MIGA1: variants seen among roughly 807,000 people sequenced by gnomAD.
MIGA1 encodes family with sequence similarity 73, member A.
In MIGA1, 58 loss-of-function variants were observed where a neutral mutation model predicts 82.0. The observed-to-expected ratio is 0.71, with a 90% CI of 0.57 to 0.88. MIGA1 has a LOEUF of 0.88. Among genes scored for constraint, MIGA1 ranks in the 40% least tolerant of loss-of-function variants. The pLI, the probability that MIGA1 is intolerant of heterozygous loss-of-function variation, is 0.00. For synonymous variants in MIGA1, 249 were observed against 253.6 expected, an observed-to-expected ratio of 0.98 and a Z score of 0.17; for missense variants, 751 against 749.1, an observed-to-expected ratio of 1.00 and a Z score of -0.03.
At chr1:77,874,703 G>C (rs577995912) in intron 15 of MIGA1, 143 bp from the exon 16 acceptor site, 7 of 631,644 alleles carry the variant, frequency 1.1e-5, no homozygotes, top group Non-Finnish European at 8.3e-6. Flanking sequence ...ACTTGTGCAA[G>C]GTCCCTTTTC....
chr1:77,860,047 T>A lies in MIGA1; in HGVS notation c.1196T>A (p.Leu399His), dbSNP rs1557933225. 1 of 1,605,834 alleles carries A rather than the reference T, an allele frequency of 6.2e-7. No individual in the cohort carries two copies. Among genetic ancestry groups the A allele is most frequent in the Non-Finnish European group, 8.5e-7 (1 of 1,175,780 alleles). ...GGATGAATATTTTTTCAGGTAATTC[T>A]TTCAGAATCAGCTAACAGGATATTC... The change falls in exon 11 of 16, where the codon CTT (leucine) becomes CAT (histidine). Residue 399 changes from leucine (L) to histidine (H), a missense_variant. Leu to His is a moderately conservative substitution (Grantham distance 99). Coordinates refer to ENST00000370791, the MANE Select transcript of MIGA1 (RefSeq NM_198549.4).
intron 7 of MIGA1, among the ~76,000 whole-genome samples, chr1:77,822,835 GTTTTTTTTTT>G (rs752488187): frequency 1.8e-5 from 2 of 109,378 alleles, no homozygotes; most frequent in Non-Finnish European, 3.8e-5. Context: ...CTTTCAGCAT[GTTTTTTTTTT>G]TTTTTTTTTT....
chr1:77,823,830 G>T (rs1432871628), intron 7 of MIGA1, among the ~76,000 whole-genome samples: 1 of 152,138 alleles, frequency 6.6e-6, no homozygotes, highest in Non-Finnish European at 1.5e-5. Flanking sequence ...TTCAAAGCTG[G>T]TGGGCCTGTT....
chr1:77,802,053 A>C (rs950803519), intron 3 of MIGA1, among the ~76,000 whole-genome samples: 3 of 152,202 alleles, frequency 2.0e-5, no homozygotes, highest in Admixed American at 6.5e-5. Context: ...TGTAGAGTTC[A>C]AGAAGTAAGT....
rs75925081 is a variant in MIGA1, at chr1:77,857,221, C to T, written c.997-1717C>T. ...TTTGGAGTTGATTTCCAGTTTTATT[C>T]CACTGTGGTCTAAGAGAGTGCTTGA... On this transcript the variant is annotated intron_variant, in intron 8 of 15. Coordinates refer to ENST00000370791, the MANE Select transcript of MIGA1 (RefSeq NM_198549.4). Among the ~76,000 whole-genome samples, 193 of 151,922 alleles carry T rather than the reference C, an allele frequency of 1.3e-3. 1 individual carries two copies. The East Asian group carries it at 0.015, about 12-fold the overall frequency.
rs1219047882 is a variant in MIGA1, at chr1:77,878,869, ATTCT to A, written c.*3808_*3811del. The A allele has an allele frequency of 2.7e-6, 1 of 365,368 alleles. No individual in the cohort carries two copies. Among genetic ancestry groups the A allele is most frequent in the Non-Finnish European group, 4.9e-6 (1 of 203,536 alleles). 22.6% of individuals were successfully genotyped at this position (365,368 alleles called of 1,614,324 possible). ...AACTTTGTCTTTCTCATAAAGTAAT[ATTCT>A]TTATTTGCATCCATTTACTATGATT... On this transcript the variant is annotated 3_prime_UTR_variant, in exon 16 of 16. Transcript: ENST00000370791.
intron 2 of MIGA1, among the ~76,000 whole-genome samples, chr1:77,792,254 C>T (rs764698524): frequency 1.3e-5 from 2 of 152,144 alleles, no homozygotes; most frequent in Admixed American, 6.6e-5. Flanking sequence ...AGGACTATCT[C>T]GAATTATTGT....
chr1:77,871,094 G>GGGGAGAGGGAGA (rs1325089726), intron 14 of MIGA1, among the ~76,000 whole-genome samples: 3 of 53,452 alleles, frequency 5.6e-5, no homozygotes, highest in African/African-American at 1.9e-4. Flanking sequence ...CCGTGGGAAG[G>GGGGAGAGGGAGA]GGGAGAGGGA....
At chr1:77,782,512 CAT>C (rs1415795341) in intron 1 of MIGA1, among the ~76,000 whole-genome samples, 2 of 152,132 alleles carry the variant, frequency 1.3e-5, no homozygotes, top group South Asian at 2.1e-4. Flanking sequence ...ATTTGTTTAA[CAT>C]GTGTTCAACT....
At chr1:77,871,137 A>AGAGGGAGAGGGAGAGGGC (rs1557940670) in intron 14 of MIGA1, among the ~76,000 whole-genome samples, 2 of 144,720 alleles carry the variant, frequency 1.4e-5, no homozygotes, top group Non-Finnish European at 1.5e-5. Context: ...AGGGAGAGGG[A>AGAGGGAGAGGGAGAGGGC]GAGGGCAGCA....
intron 7 of MIGA1, among the ~76,000 whole-genome samples, chr1:77,833,091 CAA>C (rs1684304224): frequency 6.6e-6 from 1 of 152,158 alleles, no homozygotes; most frequent in African/African-American, 2.4e-5. Context: ...AACTTGGCAA[CAA>C]GAGGAAATAC....
intron 5 of MIGA1, among the ~76,000 whole-genome samples, chr1:77,807,894 C>T (rs1182176714): frequency 6.6e-6 from 1 of 152,090 alleles, no homozygotes; most frequent in Non-Finnish European, 1.5e-5. Context: ...CATCGGCTCA[C>T]CGCAACCTCC....
At chr1:77,859,619 G>A (rs1230515312) in intron 10 of MIGA1, 1 of 474,850 alleles carries the variant, frequency 2.1e-6, no homozygotes, top group African/African-American at 1.9e-5. Context: ...GTCAAAACAG[G>A]ATATTTTGAT....
At chr1:77,840,540 C>G (rs1684590783) in intron 7 of MIGA1, among the ~76,000 whole-genome samples, 1 of 152,088 alleles carries the variant, frequency 6.6e-6, no homozygotes, top group South Asian at 2.1e-4. Context: ...TGCAGTGGCT[C>G]TCACACCTGT....
At chr1:77,851,163 G>T (rs1295809022) in intron 8 of MIGA1, among the ~76,000 whole-genome samples, 3 of 152,256 alleles carry the variant, frequency 2.0e-5, no homozygotes, top group South Asian at 2.1e-4. Context: ...GAGCCACCGC[G>T]CCGGGCCTTG....
At chr1:77,855,937 G>A (rs184115149) in intron 8 of MIGA1, among the ~76,000 whole-genome samples, 14 of 152,190 alleles carry the variant, frequency 9.2e-5, no homozygotes, top group East Asian at 7.7e-4. Flanking sequence ...ATGTTGAAGA[G>A]GAGTGGTGAG....
rs372927437 is a variant in MIGA1 at position 77,843,325 on chromosome 1, C to T, written c.914C>T (p.Thr305Ile). 1 of 1,612,828 alleles carries T rather than the reference C, an allele frequency of 6.2e-7. No homozygotes were observed. The highest frequency in any genetic ancestry group is 1.1e-5 in the South Asian group (1 of 91,014). The change falls in exon 8 of 16, where the codon ACC (threonine) becomes ATC (isoleucine). Residue 305 changes from threonine (T) to isoleucine (I), a missense_variant. This residue lies in a region of MIGA1 where 482 missense variants were observed against 439.4 expected (regional missense o/e 1.10). Coordinates refer to ENST00000370791, the MANE Select transcript of MIGA1 (RefSeq NM_198549.4). The stretch of plus-strand genomic sequence containing the variant: ...TTTTAAGATAAAGATACAGATATCA[C>T]CATGAAGGGTAATGTGGAAGACTTT...
At chr1:77,833,889 G>C (rs756833775) in intron 7 of MIGA1, among the ~76,000 whole-genome samples, 1 of 152,196 alleles carries the variant, frequency 6.6e-6, no homozygotes, top group African/African-American at 2.4e-5. Context: ...TGTTTGAATG[G>C]TTCCCATTCC....
intron 8 of MIGA1, among the ~76,000 whole-genome samples, chr1:77,846,418 T>A (rs542264494): frequency 2.6e-5 from 4 of 152,234 alleles, no homozygotes; most frequent in African/African-American, 9.6e-5. Context: ...TTCCATTTTT[T>A]ATAGAATTAC....
Sources: allele counts gnomAD v4.1 joint callset (sites outside exome capture counted in the v4.1 genomes callset), GRCh38; gene constraint gnomAD v4.1.1; regional missense constraint gnomAD v4.1.1; transcripts MANE v1.5; gene names NCBI Gene and HGNC (gene_info 2026-07-23, HGNC 2026-07-21).